ANKRD33B: variants seen among roughly 807,000 people sequenced by gnomAD.
ANKRD33B encodes ankyrin repeat domain-containing protein 33B.
A neutral mutation model predicts 21.5 loss-of-function variants in ANKRD33B; 6 were observed. The observed-to-expected ratio is 0.28, with a 90% CI of 0.15 to 0.55. ANKRD33B has a LOEUF of 0.55. ANKRD33B is among the 20% of genes least tolerant of loss of function. The pLI is 0.94. For missense variants in ANKRD33B, 698 were observed against 747.2 expected (o/e 0.93, Z 0.77); for synonymous variants, 347 against 342.4 (o/e 1.01, Z -0.15).
At chr5:10,614,585 A>G (rs1040202860) in intron 1 of ANKRD33B, among the ~76,000 whole-genome samples, 1 of 152,064 alleles carries the variant, frequency 6.6e-6, no homozygotes, top group Non-Finnish European at 1.5e-5. Flanking sequence ...TTAATTTGTT[A>G]ATATAATAAG....
At chr5:10,598,914 G>T (rs1735873953) in intron 1 of ANKRD33B, among the ~76,000 whole-genome samples, 1 of 152,160 alleles carries the variant, frequency 6.6e-6, no homozygotes, top group Admixed American at 6.5e-5. Context: ...ATACTCTGTT[G>T]AGGTATAATT....
At chr5:10,570,513 CTG>C in intron 1 of ANKRD33B, among the ~76,000 whole-genome samples, 1 of 152,030 alleles carries the variant, frequency 6.6e-6, no homozygotes, top group Non-Finnish European at 1.5e-5. Context: ...TTCAGCTTGG[CTG>C]AAGCATCACT....
rs1736373593 is a variant in ANKRD33B at position 10,619,733 on chromosome 5, G to A, written c.496+1271G>A. 6.6e-6 allele frequency among the ~76,000 whole-genome samples: 1 copy of A among 152,186 alleles called. No individual in the cohort carries two copies. Among genetic ancestry groups the A allele is most frequent in the South Asian group, 2.1e-4 (1 of 4,830 alleles). On this transcript the variant is annotated intron_variant, in intron 2 of 3. Transcript: ENST00000296657. This position sits in a 1 kb window ranked among gnomAD's most constrained non-coding sequence, Gnocchi z 4.5. ...CAAGAGTGTGAAAGGGCTTTGTAAG[G>A]CATTCAGTGATTCGTTTCCTCTCGT...
At chr5:10,590,496 A>G (rs1225981416) in intron 1 of ANKRD33B, among the ~76,000 whole-genome samples, 1 of 152,162 alleles carries the variant, frequency 6.6e-6, no homozygotes, top group Non-Finnish European at 1.5e-5. Context: ...ACCCAAGCTT[A>G]TCCAACCCCT....
chr5:10,646,271 C>T (rs58369486), intron 3 of ANKRD33B, among the ~76,000 whole-genome samples: 4,669 of 152,224 alleles, frequency 0.031, 234 homozygotes, highest in African/African-American at 0.11. Flanking sequence ...GGTCTGCTGG[C>T]GAGAAGATGG....
chr5:10,637,940 G>A, intron 2 of ANKRD33B, 88 bp from the exon 3 acceptor site: 1 of 1,448,608 alleles, frequency 6.9e-7, no homozygotes, highest in Non-Finnish European at 9.2e-7. Flanking sequence ...CTGACTCAGT[G>A]TTTCTTTCTC....
chr5:10,633,612 G>A lies in ANKRD33B; in HGVS notation c.497-4416G>A, dbSNP rs979479335. Among the ~76,000 whole-genome samples, 4 of 152,194 alleles carry A rather than the reference G, an allele frequency of 2.6e-5. No individual in the cohort carries two copies. The South Asian group carries it at 8.3e-4, about 31-fold the overall frequency. On this transcript the variant is annotated intron_variant, in intron 2 of 3. Coordinates refer to ENST00000296657, the MANE Select transcript of ANKRD33B (RefSeq NM_001164440.2). ...CGTTCTTTATTCGGATTTCCTCAGC[G>A]TTTCCCGGATTTCCTTTTTCTGTTG...
At chr5:10,580,510 C>A (rs1469739981) in intron 1 of ANKRD33B, among the ~76,000 whole-genome samples, 43 of 149,262 alleles carry the variant, frequency 2.9e-4, no homozygotes, top group Admixed American at 2.8e-3. Context: ...CACCCCCAGC[C>A]CCACCCTGCC....
chr5:10,637,533 G>A (rs1736899553), intron 2 of ANKRD33B, among the ~76,000 whole-genome samples: 1 of 152,018 alleles, frequency 6.6e-6, no homozygotes, highest in South Asian at 2.1e-4. Context: ...TGGGAACAGG[G>A]TGCCAGCGTG....
rs1004362168 is a variant in ANKRD33B at position 10,576,251 on chromosome 5, C to T, written c.366+11418C>T. On this transcript the variant is annotated intron_variant, in intron 1 of 3. Transcript: ENST00000296657. This position sits in a 1 kb window ranked among gnomAD's most constrained non-coding sequence, Gnocchi z 4.1. ...TGAATTTTGGACATGAAAGCAGGGT[C>T]AGACCTAGTTATTAATAGGTGGGAA... is the stretch of plus-strand genomic sequence containing the variant. 1.3e-5 allele frequency among the ~76,000 whole-genome samples: 2 copies of T among 152,150 alleles called. No individual in the cohort carries two copies. The highest frequency in any genetic ancestry group is 2.9e-5 in the Non-Finnish European group (2 of 68,030).
intron 1 of ANKRD33B, 23 bp from the exon 2 acceptor site, chr5:10,618,310 C>T: frequency 6.5e-7 from 1 of 1,536,252 alleles, no homozygotes; most frequent in Non-Finnish European, 8.7e-7. Flanking sequence ...CCCCTCTGAC[C>T]CGCTTCCCCT....
At position 10,620,225 on chromosome 5, in the gene ANKRD33B, G is replaced by A. The variant is rs72742330; in HGVS notation, c.496+1763G>A. Among the ~76,000 whole-genome samples the A allele has an allele frequency of 5.1e-3, 777 of 152,288 alleles. 6 individuals are homozygous for A. The highest frequency in any genetic ancestry group is 8.2e-3 in the Non-Finnish European group (556 of 68,026). ...CTGTGTGGCTAGAAACACAGTTGGC[G>A]GTGGTGGTGATGCGGGCCATGGAGG... On this transcript the variant is annotated intron_variant, in intron 2 of 3. Transcript: ENST00000296657.
intron 1 of ANKRD33B, among the ~76,000 whole-genome samples, chr5:10,600,955 A>C (rs1487927332): frequency 1.5e-5 from 2 of 134,228 alleles, no homozygotes; most frequent in African/African-American, 5.5e-5. Flanking sequence ...AATTTTGTAC[A>C]TTAAAAAAAA....
At chr5:10,589,904 T>C (rs888772189) in intron 1 of ANKRD33B, among the ~76,000 whole-genome samples, 1 of 152,130 alleles carries the variant, frequency 6.6e-6, no homozygotes. Flanking sequence ...AGACCTTTTA[T>C]ACCATGCTGC....
chr5:10,650,314 C>A lies in ANKRD33B; in HGVS notation c.*201C>A, dbSNP rs1737317073. The A allele has an allele frequency of 2.1e-6, 1 of 477,960 alleles. No homozygotes were observed. The highest frequency in any genetic ancestry group is 4.6e-5 in the Admixed American group (1 of 21,958). The allele number at this position is 477,960 out of a possible 1,614,324, so 29.6% of individuals were successfully genotyped here. A position where few individuals can be genotyped will look rare whatever the true frequency, so the allele number is the denominator to read the frequency against. On this transcript the variant is annotated 3_prime_UTR_variant, in exon 4 of 4. Coordinates refer to ENST00000296657, the MANE Select transcript of ANKRD33B (RefSeq NM_001164440.2). Reference sequence around the variant, plus strand: ...GCCACATGGATTCGCTTGTCGCCAGCCCTCCTAGCAATCAGTACACCTAGC... The same window carrying A: ...GCCACATGGATTCGCTTGTCGCCAGACCTCCTAGCAATCAGTACACCTAGC...
At chr5:10,587,989 A>G (rs987708071) in intron 1 of ANKRD33B, among the ~76,000 whole-genome samples, 6 of 152,118 alleles carry the variant, frequency 3.9e-5, no homozygotes, top group Admixed American at 1.3e-4. Flanking sequence ...TTGGTATGTT[A>G]TTATTGTACC....
chr5:10,620,291 G>A (rs182758168), intron 2 of ANKRD33B, among the ~76,000 whole-genome samples: 1 of 152,150 alleles, frequency 6.6e-6, no homozygotes, highest in African/African-American at 2.4e-5. Context: ...TTGGGACAGG[G>A]GATAACACCA....
intron 3 of ANKRD33B, among the ~76,000 whole-genome samples, chr5:10,639,647 C>T (rs1360045505): frequency 1.9e-5 from 1 of 51,824 alleles, no homozygotes; most frequent in Non-Finnish European, 3.5e-5. Flanking sequence ...CGGAGTTGCG[C>T]GGCGATGTTA....
chr5:10,610,636 T>A (rs1736150600), intron 1 of ANKRD33B, among the ~76,000 whole-genome samples: 1 of 152,256 alleles, frequency 6.6e-6, no homozygotes, highest in Non-Finnish European at 1.5e-5. Context: ...ACGATGCATT[T>A]GCCAGTGATT....
Sources: gnomAD v4.1 joint callset for allele counts (sites outside exome capture counted in the v4.1 genomes callset) on GRCh38, gnomAD v4.1.1 for gene constraint, Gnocchi (gnomAD v3.1) non-coding constraint, MANE v1.5 for transcripts, NCBI Gene and HGNC (gene_info 2026-07-23, HGNC 2026-07-21) for gene names.